Variants in HLTF observed in about 807,000 individuals in gnomAD.
HLTF encodes the protein helicase like transcription factor.
A neutral mutation model predicts 129.4 loss-of-function variants in HLTF; 127 were observed. The ratio of observed to expected loss-of-function variants is 0.98; its 90% CI spans 0.85 to 1.14. The LOEUF (loss-of-function observed/expected upper bound fraction) is 1.14. Among genes scored for constraint, HLTF ranks in the 50% most tolerant of loss-of-function variants. The pLI, the probability that HLTF is intolerant of heterozygous loss-of-function variation, is 0.00. For missense variants in HLTF, 1,139 were observed against 1,187.1 expected, an observed-to-expected ratio of 0.96 and a Z score of 0.60; for synonymous variants, 332 against 388.8, an observed-to-expected ratio of 0.85 and a Z score of 1.72.
chr3:149,036,340 G>C (rs1411170259), intron 23 of HLTF, among the ~76,000 whole-genome samples: 1 of 121,070 alleles, frequency 8.3e-6, no homozygotes, highest in African/African-American at 3.3e-5. Context: ...CCAGGCTGGA[G>C]TGCAGTGGCA....
At chr3:149,074,147 G>A (rs1053226071) in intron 4 of HLTF, 68 bp downstream of exon 4, 8 of 1,476,574 alleles carry the variant, frequency 5.4e-6, no homozygotes, top group Non-Finnish European at 7.3e-6. Flanking sequence ...CTCCAAGAGA[G>A]AATAAATGTT....
intron 17 of HLTF, among the ~76,000 whole-genome samples, chr3:149,047,149 C>G (rs116119418): frequency 6.6e-6 from 1 of 152,060 alleles, no homozygotes; most frequent in East Asian, 1.9e-4. Flanking sequence ...TTTTATATCC[C>G]ACTAATAGCT....
chr3:149,041,035 T>A (rs984941293), intron 20 of HLTF, among the ~76,000 whole-genome samples: 6 of 152,160 alleles, frequency 3.9e-5, no homozygotes, highest in Admixed American at 2.6e-4. Context: ...ATTACGTCCT[T>A]GAAATGTGGC....
intron 24 of HLTF, 99 bp from the exon 25 acceptor site, chr3:149,032,471 C>A: frequency 1.5e-6 from 1 of 685,600 alleles, no homozygotes; most frequent in South Asian, 2.5e-5. Context: ...TGGCAAAAAC[C>A]GCAATTACTT....
At chr3:149,034,808 A>G (rs1715429721) in intron 24 of HLTF, 110 bp downstream of exon 24, 3 of 720,380 alleles carry the variant, frequency 4.2e-6, no homozygotes, top group Non-Finnish European at 7.3e-6. Context: ...GGTGACTTAT[A>G]TTTTGCTCTG....
chr3:149,039,676 G>A lies in HLTF; in HGVS notation c.2520C>T (p.His840=), dbSNP rs749377680. ...TSSSKINALM[H]ALTDLRKKNP... The stretch of plus-strand genomic sequence containing the variant: ...TCTTCTTTCTTAAGTCAGTCAATGC[G>A]TGCATTAGCGCATTAATCTGCAAAA... Residue 840 remains histidine (H), a synonymous_variant, in exon 22 of 25, where the codon CAC becomes CAT. Transcript: ENST00000310053. The A allele has an allele frequency of 8.2e-6, 13 of 1,587,888 alleles. No individual in the cohort carries two copies. The highest frequency in any genetic ancestry group is 4.7e-5 in the South Asian group (4 of 85,756).
chr3:149,052,380 G>A (rs1439648312), intron 14 of HLTF, among the ~76,000 whole-genome samples: 1 of 151,988 alleles, frequency 6.6e-6, no homozygotes, highest in Non-Finnish European at 1.5e-5. Context: ...AAAGGGTAAA[G>A]GCCTGGGATC....
chr3:149,067,686 G>GA (rs896922529), intron 8 of HLTF, among the ~76,000 whole-genome samples: 4 of 147,098 alleles, frequency 2.7e-5, no homozygotes, highest in East Asian at 2.0e-4. Flanking sequence ...AATGTTGAGG[G>GA]AAAAAAAAAT....
intron 7 of HLTF, among the ~76,000 whole-genome samples, chr3:149,070,652 T>C (rs1718768939): frequency 6.6e-6 from 1 of 152,220 alleles, no homozygotes; most frequent in African/African-American, 2.4e-5. Context: ...ACACAATATT[T>C]GTGATGGAAT....
intron 19 of HLTF, chr3:149,041,897 A>G: frequency 1.7e-6 from 1 of 578,166 alleles, no homozygotes; most frequent in Non-Finnish European, 3.1e-6. Context: ...ACATGACAAT[A>G]ACATACCACC....
intron 12 of HLTF, 146 bp downstream of exon 12, chr3:149,060,497 G>T: frequency 3.3e-6 from 2 of 606,336 alleles, no homozygotes; most frequent in East Asian, 2.7e-5. Flanking sequence ...AAAACCCATG[G>T]TTAGCTCCAT....
chr3:149,058,063 T>C (rs945633408), intron 13 of HLTF, among the ~76,000 whole-genome samples: 1 of 152,180 alleles, frequency 6.6e-6, no homozygotes, highest in African/African-American at 2.4e-5. Context: ...TTTTTTAATG[T>C]CTGAAAATAT....
At chr3:149,038,445 G>A (rs551250753) in intron 23 of HLTF, among the ~76,000 whole-genome samples, 15 of 152,170 alleles carry the variant, frequency 9.9e-5, no homozygotes, top group African/African-American at 2.9e-4. Context: ...TATGATACTG[G>A]GCACATTATT....
Position 149,060,683 on chromosome 3 carries a change from T to G in HLTF, c.1245A>C (p.Lys415Asn). 1 of 1,613,272 alleles carries G rather than the reference T, an allele frequency of 6.2e-7. No individual in the cohort carries two copies. Among genetic ancestry groups the G allele is most frequent in the South Asian group, 1.1e-5 (1 of 91,034 alleles). ...TAGTTTCAGACTGTACATTTTTCAG[T>G]TTGCCTAAAAATAAAACAAAAATAA... Reference protein sequence around the residue: ...TSELPQKMKGKLKNVQSETKG... With the variant: ...TSELPQKMKGNLKNVQSETKG... The change falls in exon 12 of 25, where the codon AAA becomes AAC. Residue 415 changes from lysine (K) to asparagine (N), a missense_variant. Coordinates refer to ENST00000310053, the MANE Select transcript of HLTF (RefSeq NM_003071.4).
intron 14 of HLTF, among the ~76,000 whole-genome samples, chr3:149,054,098 T>C (rs996949398): frequency 6.6e-6 from 1 of 152,064 alleles, no homozygotes; most frequent in Non-Finnish European, 1.5e-5. Context: ...AAAAAAAGAC[T>C]ATAAAGCCAA....
At chr3:149,084,225 A>G (rs1720132318) in intron 2 of HLTF, among the ~76,000 whole-genome samples, 1 of 152,208 alleles carries the variant, frequency 6.6e-6, no homozygotes, top group African/African-American at 2.4e-5. Flanking sequence ...AAACGTTCCA[A>G]TGTAAAGGAA....
chr3:149,030,745 C>T lies in HLTF; in HGVS notation c.*1475G>A, dbSNP rs1000425379. 2 of 152,184 alleles carry T rather than the reference C, an allele frequency of 1.3e-5. No homozygotes were observed. The highest frequency in any genetic ancestry group is 2.9e-5 in the Non-Finnish European group (2 of 68,038). The allele number at this position is 152,184 out of a possible 1,614,324, so 9.4% of individuals were successfully genotyped here. ...GAAAGGTCTTGGTTTTGATGAAAATCAGCCCTTTCCTTACCTGCTACTGCC... is the reference window on the plus strand; with the variant it reads ...GAAAGGTCTTGGTTTTGATGAAAATTAGCCCTTTCCTTACCTGCTACTGCC... On this transcript the variant is annotated 3_prime_UTR_variant, in exon 25 of 25. Transcript: ENST00000310053.
intron 2 of HLTF, among the ~76,000 whole-genome samples, chr3:149,083,076 A>C (rs1219496758): frequency 1.3e-5 from 2 of 152,008 alleles, no homozygotes; most frequent in Middle Eastern, 3.2e-3. Context: ...ACATGGCAAA[A>C]CCTCATCTCT....
At chr3:149,075,776 T>C (rs1719293438) in intron 3 of HLTF, 105 bp downstream of exon 3, 3 of 620,124 alleles carry the variant, frequency 4.8e-6, no homozygotes, top group South Asian at 3.2e-5. Flanking sequence ...AGTACAGTGA[T>C]AGAAATTGTT....
Sources: allele counts gnomAD v4.1 joint callset (sites outside exome capture counted in the v4.1 genomes callset), GRCh38; gene constraint gnomAD v4.1.1; transcripts MANE v1.5; gene names NCBI Gene and HGNC (gene_info 2026-07-23, HGNC 2026-07-21).